TP53BP1: variants seen among roughly 807,000 people sequenced by gnomAD.
The protein encoded by TP53BP1 is tumor protein p53 binding protein 1, also known as TP53-binding protein 1.
Under a neutral mutation model 200.8 loss-of-function variants are expected in TP53BP1, and 61 were observed. That is an observed-to-expected ratio of 0.30 (90% CI 0.25 to 0.38). The LOEUF is 0.38. Ranked by LOEUF, TP53BP1 falls within the 10% of genes least tolerant of loss-of-function variation. The pLI, the probability that TP53BP1 is intolerant of heterozygous loss-of-function variation, is 1.00. For synonymous variants in TP53BP1, 822 were observed against 844.3 expected, an observed-to-expected ratio of 0.97 and a Z score of 0.46; for missense variants, 2,144 against 2,371.9, an observed-to-expected ratio of 0.90 and a Z score of 2.00.
chr15:43,407,813 G>A (rs1167517892), intron 27 of TP53BP1, 130 bp downstream of exon 27: 8 of 977,112 alleles, frequency 8.2e-6, no homozygotes, highest in Non-Finnish European at 1.1e-5. Context: ...CTTGAAGGTG[G>A]TACTTTTCTT....
At chr15:43,444,644 G>C (rs1018846551) in intron 14 of TP53BP1, among the ~76,000 whole-genome samples, 1 of 152,132 alleles carries the variant, frequency 6.6e-6, no homozygotes, top group Non-Finnish European at 1.5e-5. Flanking sequence ...GATAATAATA[G>C]GATCTAGTTC....
In TP53BP1 at chr15:43,488,220, G is replaced by A. The variant is rs140423161; in HGVS notation, c.371+3449C>T. 3.9e-3 allele frequency among the ~76,000 whole-genome samples: 589 copies of A among 151,850 alleles called. 4 individuals carry two copies. Among genetic ancestry groups the A allele is most frequent in the African/African-American group, 0.014 (565 of 41,372 alleles). ...AGGCTGAGATGGGAGGATTGCTTGA[G>A]CCCAGGAGGTGGAGGCTGCACTAAC... On this transcript the variant is annotated intron_variant, in intron 4 of 27. Coordinates refer to ENST00000382044, the MANE Select transcript of TP53BP1 (RefSeq NM_001141980.3).
At chr15:43,487,506 C>T (rs2079062213) in intron 4 of TP53BP1, among the ~76,000 whole-genome samples, 1 of 152,010 alleles carries the variant, frequency 6.6e-6, no homozygotes, top group Non-Finnish European at 1.5e-5. Context: ...AAAACCTGTA[C>T]ATATGGCCGG....
chr15:43,488,341 A>C (rs1323413977), intron 4 of TP53BP1, among the ~76,000 whole-genome samples: 1 of 151,812 alleles, frequency 6.6e-6, no homozygotes, highest in Non-Finnish European at 1.5e-5. Flanking sequence ...AGACTGTATG[A>C]TCCCATTTTA....
At chr15:43,447,080 A>C in intron 13 of TP53BP1, 1 of 462,798 alleles carries the variant, frequency 2.2e-6, no homozygotes, top group Admixed American at 3.3e-5. Context: ...ACATCTCTAC[A>C]TCACTACTTA....
chr15:43,413,248 G>A lies in TP53BP1; in HGVS notation c.5176C>T (p.Pro1726Ser), dbSNP rs749050230. ...EPSALEEQRG[P>S]LPLNKTLFLG... ...AACAAGGTCTTGTTGAGAGGCAAAG[G>A]CCCTCTCTGCTCTTCCAGGGCAGAG... Residue 1726 changes from proline (P) to serine (S), a missense_variant, in exon 24 of 28, where the codon CCT (proline) becomes TCT (serine). This residue lies in a region of TP53BP1 where 334 missense variants were observed against 453.4 expected (regional missense o/e 0.74). Transcript: ENST00000382044. 2 of 1,614,038 alleles carry A rather than the reference G, an allele frequency of 1.2e-6. No homozygotes were observed. Among genetic ancestry groups the A allele is most frequent in the Non-Finnish European group, 8.5e-7 (1 of 1,180,026 alleles).
chr15:43,411,078 T>G (rs953478284), intron 24 of TP53BP1, among the ~76,000 whole-genome samples: 1 of 152,140 alleles, frequency 6.6e-6, no homozygotes, highest in African/African-American at 2.4e-5. Flanking sequence ...TACAGTCCTG[T>G]ATTTTTCTCA....
At chr15:43,441,243 A>T in intron 15 of TP53BP1, 1 of 282,944 alleles carries the variant, frequency 3.5e-6, no homozygotes. Flanking sequence ...GATTGTGGAG[A>T]CTCTTGTATC....
Position 43,407,415 on chromosome 15 carries a change from G to A in TP53BP1, c.5902C>T (p.Pro1968Ser). The change falls in exon 28 of 28, where the codon CCA (proline) becomes TCA (serine). Residue 1968 changes from proline (P) to serine (S), a missense_variant. Coordinates refer to ENST00000382044, the MANE Select transcript of TP53BP1 (RefSeq NM_001141980.3). ...GAAACATAATCGTGTTTATATTTTG[G>A]ATGCTGCTTGAATCCAATTCTCTCC... is the stretch of plus-strand genomic sequence containing the variant. Reference protein sequence around the residue: ...VGERIGFKQHPKYKHDYVSH With the variant: ...VGERIGFKQHSKYKHDYVSH 2.5e-6 allele frequency: 4 copies of A among 1,614,170 alleles called. No individual in the cohort carries two copies. Among genetic ancestry groups the A allele is most frequent in the Non-Finnish European group, 3.4e-6 (4 of 1,180,032 alleles).
intron 10 of TP53BP1, among the ~76,000 whole-genome samples, chr15:43,472,678 C>T (rs1007142155): frequency 2.6e-5 from 4 of 152,232 alleles, no homozygotes; most frequent in African/African-American, 7.2e-5. Flanking sequence ...AATGTGTTCA[C>T]GTGTTGCTAG....
In TP53BP1 at chr15:43,428,118, A is replaced by G; in HGVS notation, c.3726T>C (p.His1242=). 6.2e-7 allele frequency: 1 copy of G among 1,613,680 alleles called. No individual in the cohort carries two copies. Among genetic ancestry groups the G allele is most frequent in the Non-Finnish European group, 8.5e-7 (1 of 1,179,630 alleles). ...CTTCCCGGATTGTTCTCATGTGACG[A>G]TGTAAGACATGGCCATGTGGAGGCT... ...MPQPPHGHVL[H]RHMRTIREVR... is the part of the protein sequence containing the mutation. Residue 1242 remains histidine, a synonymous_variant, in exon 18 of 28, where the codon CAT becomes CAC. Coordinates refer to ENST00000382044, the MANE Select transcript of TP53BP1 (RefSeq NM_001141980.3).
Position 43,479,477 on chromosome 15 carries a change from C to T in TP53BP1, c.708G>A (p.Gln236=), listed in dbSNP as rs1215173177. ...CTGTCACAGGGATGTCCTTGCTGGACTGTTCTGCTATGGGGATATCTTCGT... is the reference window on the plus strand; with the variant it reads ...CTGTCACAGGGATGTCCTTGCTGGATTGTTCTGCTATGGGGATATCTTCGT... ...QSNEDIPIAE[Q]SSKDIPVTAQ... is the part of the protein sequence containing the mutation. The change falls in exon 7 of 28, where the codon CAG becomes CAA. Residue 236 remains glutamine, a synonymous_variant. Transcript: ENST00000382044. 3 of 1,613,860 alleles carry T rather than the reference C, an allele frequency of 1.9e-6. No individual in the cohort carries two copies. Among genetic ancestry groups the T allele is most frequent in the Non-Finnish European group, 2.5e-6 (3 of 1,179,920 alleles).
Position 43,432,386 on chromosome 15 carries a change from G to A in TP53BP1, c.3483C>T (p.Thr1161=), listed in dbSNP as rs577417960. 2 of 1,614,158 alleles carry A rather than the reference G, an allele frequency of 1.2e-6. No homozygotes were observed. The highest frequency in any genetic ancestry group is 8.5e-7 in the Non-Finnish European group (1 of 1,180,010). Residue 1161 remains threonine, a synonymous_variant, in exon 17 of 28, where the codon ACC becomes ACT. Transcript: ENST00000382044. ...CTGGGACCCTCAAGGAACACTCCAT[G>A]GTTTGGATTCCTATGTTATTTTGGC... ...RPSQNNIGIQ[T]MECSLRVPET...
At chr15:43,454,464 A>C (rs1037727675) in intron 12 of TP53BP1, among the ~76,000 whole-genome samples, 4 of 151,600 alleles carry the variant, frequency 2.6e-5, no homozygotes, top group African/African-American at 9.7e-5. Context: ...CCCGGGTTCA[A>C]GTGATTCTCC....
chr15:43,446,265 A>C, intron 14 of TP53BP1, 122 bp downstream of exon 14: 1 of 744,940 alleles, frequency 1.3e-6, no homozygotes, highest in South Asian at 2.1e-5. Context: ...TAAATCTATG[A>C]GTGTAAGACT....
intron 12 of TP53BP1, among the ~76,000 whole-genome samples, chr15:43,451,080 A>T (rs1220667594): frequency 6.6e-6 from 1 of 152,082 alleles, no homozygotes; most frequent in Non-Finnish European, 1.5e-5. Flanking sequence ...TCTATTAACA[A>T]CAAAAAAGTG....
intron 12 of TP53BP1, among the ~76,000 whole-genome samples, chr15:43,448,795 G>A (rs575884372): frequency 8.5e-5 from 13 of 152,238 alleles, no homozygotes; most frequent in Admixed American, 2.6e-4. Flanking sequence ...ATGGTCTTTA[G>A]AAATAAAGGA....
chr15:43,433,029 G>A (rs969841395), intron 16 of TP53BP1, among the ~76,000 whole-genome samples: 2 of 151,996 alleles, frequency 1.3e-5, no homozygotes, highest in Non-Finnish European at 2.9e-5. Context: ...AGACAATGAA[G>A]GGCAACTTAG....
At chr15:43,472,822 G>A (rs916311994) in intron 10 of TP53BP1, among the ~76,000 whole-genome samples, 4 of 152,208 alleles carry the variant, frequency 2.6e-5, no homozygotes, top group Non-Finnish European at 5.9e-5. Context: ...AATAGAATTA[G>A]TGCTAGAAAA....
Sources: allele counts gnomAD v4.1 joint callset (sites outside exome capture counted in the v4.1 genomes callset), GRCh38; gene constraint gnomAD v4.1.1; regional missense constraint gnomAD v4.1.1; transcripts MANE v1.5; gene names NCBI Gene and HGNC (gene_info 2026-07-23, HGNC 2026-07-21).